Variants in FAT3 observed in about 807,000 individuals in gnomAD.
FAT3 encodes the protein FAT atypical cadherin 3, also known as protocadherin Fat 3.
In FAT3, 95 loss-of-function variants were observed where a neutral mutation model predicts 310.2. That is an observed-to-expected ratio of 0.31 (90% CI 0.26 to 0.36). FAT3 has a LOEUF of 0.36. Ranked by LOEUF, FAT3 falls within the 10% of genes least tolerant of loss-of-function variation. The pLI is 1.00. For missense variants in FAT3, 5,408 were observed against 5,715.6 expected (o/e 0.95, Z 1.74); for synonymous variants, 2,314 against 2,192.9 (o/e 1.06, Z -1.54).
At chr11:92,469,693 T>C (rs1192531826) in intron 2 of FAT3, among the ~76,000 whole-genome samples, 1 of 151,986 alleles carries the variant, frequency 6.6e-6, no homozygotes, top group Non-Finnish European at 1.5e-5. Context: ...TTTTTTTTAT[T>C]TTTAGTAGAG....
intron 2 of FAT3, among the ~76,000 whole-genome samples, chr11:92,514,860 C>A (rs1225325742): frequency 6.6e-6 from 1 of 152,090 alleles, no homozygotes; most frequent in East Asian, 1.9e-4. Flanking sequence ...AGGTATAAAT[C>A]GCTTTTGAAA....
chr11:92,575,302 CCT>C (rs1216899709), intron 3 of FAT3, among the ~76,000 whole-genome samples: 4 of 152,084 alleles, frequency 2.6e-5, no homozygotes, highest in African/African-American at 4.8e-5. Flanking sequence ...CTCACCATCC[CCT>C]GTCCCCAGTT....
At chr11:92,487,658 C>G (rs989386842) in intron 2 of FAT3, among the ~76,000 whole-genome samples, 2 of 152,174 alleles carry the variant, frequency 1.3e-5, no homozygotes, top group Non-Finnish European at 2.9e-5. Context: ...TGCACAAAGT[C>G]GTACAATCTA....
chr11:92,304,319 C>T (rs569784739), intron 1 of FAT3, among the ~76,000 whole-genome samples: 1 of 152,202 alleles, frequency 6.6e-6, no homozygotes, highest in South Asian at 2.1e-4. Context: ...CTTCCCCTTG[C>T]TCTTTATGGC....
intron 2 of FAT3, among the ~76,000 whole-genome samples, chr11:92,450,852 G>C (rs1951336693): frequency 6.6e-6 from 1 of 152,086 alleles, no homozygotes; most frequent in Non-Finnish European, 1.5e-5. Flanking sequence ...TTTCAGTATG[G>C]CCCCTTTTAA....
chr11:92,809,624 G>A (rs1286817610), intron 12 of FAT3, among the ~76,000 whole-genome samples: 1 of 152,164 alleles, frequency 6.6e-6, no homozygotes, highest in Admixed American at 6.5e-5. Flanking sequence ...TTAATTTGAA[G>A]GTCACACAGC....
chr11:92,524,945 A>G lies in FAT3; in HGVS notation c.3604A>G (p.Thr1202Ala), dbSNP rs1591400861. Residue 1202 changes from threonine to alanine, a missense_variant, in exon 3 of 28, where the codon ACA (threonine) becomes GCA (alanine). Around this residue, in one of 5 missense-constraint regions of FAT3, gnomAD observed 4,588 missense variants for 4,809.8 expected, o/e 0.95. Transcript: ENST00000525166. ...PQNFFAINIK[T>A]GLITTTSRKL... is the part of the protein sequence containing the mutation. ...GAATTTTTTTGCCATCAATATCAAA[A>G]CAGGTAAGGGAATGCTTATATGACT... 1 of 1,612,932 alleles carries G rather than the reference A, an allele frequency of 6.2e-7. No individual in the cohort carries two copies. The highest frequency in any genetic ancestry group is 1.1e-5 in the South Asian group (1 of 91,010).
rs868038469 is a variant in FAT3 at position 92,246,226 on chromosome 11, T to C, written c.-18+21052T>C. On this transcript the variant is annotated intron_variant, in intron 1 of 27. Transcript: ENST00000525166. ...AGGGGAGGTGGTTGAAGTTGAAGCT[T>C]AAGGAGAAAGTTGGGCCCAGGAAGG... Among the ~76,000 whole-genome samples, 2 of 151,822 alleles carry C rather than the reference T, an allele frequency of 1.3e-5. 1 individual carries two copies. The highest frequency in any genetic ancestry group is 2.9e-5 in the Non-Finnish European group (2 of 67,926).
chr11:92,515,400 C>T (rs1953444685), intron 2 of FAT3, among the ~76,000 whole-genome samples: 1 of 151,964 alleles, frequency 6.6e-6, no homozygotes, highest in African/African-American at 2.4e-5. Flanking sequence ...TTTATGATTT[C>T]TACATTCGGT....
chr11:92,813,414 G>A (rs1042274770), intron 13 of FAT3, among the ~76,000 whole-genome samples: 3 of 152,128 alleles, frequency 2.0e-5, no homozygotes, highest in Admixed American at 2.0e-4. Flanking sequence ...CTAGGAAATT[G>A]ATCTTGGTAC....
At chr11:92,669,084 C>T (rs1035610700) in intron 3 of FAT3, among the ~76,000 whole-genome samples, 2 of 152,204 alleles carry the variant, frequency 1.3e-5, no homozygotes, top group African/African-American at 4.8e-5. Flanking sequence ...AAGACACCTT[C>T]GAAAGTACCA....
At chr11:92,336,272 G>T (rs1479542892) in intron 1 of FAT3, 3 of 529,756 alleles carry the variant, frequency 5.7e-6, no homozygotes, top group Non-Finnish European at 1.1e-5. Context: ...CCTTGTCATA[G>T]CAATGGGAGT....
chr11:92,694,704 G>A (rs1664405746), intron 3 of FAT3, among the ~76,000 whole-genome samples: 1 of 152,200 alleles, frequency 6.6e-6, no homozygotes, highest in South Asian at 2.1e-4. Context: ...AGAGGGCAAA[G>A]GGGTCCTGGT....
In FAT3 at chr11:92,844,281, G is replaced by A. The variant is rs1386306999; in HGVS notation, c.10914G>A (p.Glu3638=). The A allele has an allele frequency of 6.2e-7, 1 of 1,613,894 alleles. No individual in the cohort carries two copies. The highest frequency in any genetic ancestry group is 8.5e-7 in the Non-Finnish European group (1 of 1,179,914). Residue 3638 remains glutamate (E), a synonymous_variant, in exon 19 of 28, where the codon GAG becomes GAA. Coordinates refer to ENST00000525166, the MANE Select transcript of FAT3 (RefSeq NM_001367949.2). Reference sequence around the variant, plus strand: ...CCATTGATGTGGTCGTGCATGTGGAGCAGTTGGTGCATGAGATGCTGCAGA... The same window carrying A: ...CCATTGATGTGGTCGTGCATGTGGAACAGTTGGTGCATGAGATGCTGCAGA... ...QVPIDVVVHV[E]QLVHEMLQNT...
At chr11:92,432,548 G>C (rs1267648320) in intron 2 of FAT3, among the ~76,000 whole-genome samples, 2 of 152,158 alleles carry the variant, frequency 1.3e-5, no homozygotes, top group South Asian at 2.1e-4. Context: ...GGAGTTTGCT[G>C]GAGGTGTACT....
At position 92,354,723 on chromosome 11, in the gene FAT3, T is replaced by G; in HGVS notation, c.2611T>G (p.Leu871Val). The G allele has an allele frequency of 6.2e-7, 1 of 1,613,926 alleles. No homozygotes were observed. Among genetic ancestry groups the G allele is most frequent in the Non-Finnish European group, 8.5e-7 (1 of 1,179,876 alleles). ...TAATGGTGAAGTGACTTACTCAGTC[T>G]TGACAGATACACAGCAGTTTGCCAT... ...GSNGEVTYSVLTDTQQFAINS... is the reference protein window; with the variant it reads ...GSNGEVTYSVVTDTQQFAINS... The change falls in exon 2 of 28, where the codon TTG becomes GTG. Residue 871 changes from leucine to valine, a missense_variant. This residue lies in a region of FAT3 where 4,588 missense variants were observed against 4,809.8 expected (regional missense o/e 0.95). Coordinates refer to ENST00000525166, the MANE Select transcript of FAT3 (RefSeq NM_001367949.2).
chr11:92,546,609 A>T lies in FAT3; in HGVS notation c.3607+21661A>T, dbSNP rs545355239. On this transcript the variant is annotated intron_variant, in intron 3 of 27. Transcript: ENST00000525166. The stretch of plus-strand genomic sequence containing the variant: ...TGAGTTTTCAATATTTAAAAAAATG[A>T]CCGTACATAGTGAAGCACAAATAAA... 4.6e-5 allele frequency among the ~76,000 whole-genome samples: 7 copies of T among 152,324 alleles called. No homozygotes were observed. The East Asian group carries it at 1.4e-3, about 29-fold the overall frequency.
At chr11:92,265,072 T>A (rs1465803313) in intron 1 of FAT3, among the ~76,000 whole-genome samples, 5 of 151,816 alleles carry the variant, frequency 3.3e-5, no homozygotes, top group African/African-American at 1.2e-4. Context: ...AGTCTAGAAA[T>A]CACCACAGGT....
rs1313305065 is a variant in FAT3 at position 92,312,189 on chromosome 11, T to G, written c.-17-39907T>G. Among the ~76,000 whole-genome samples the G allele has an allele frequency of 1.3e-5, 2 of 151,778 alleles. 1 individual carries two copies. Among genetic ancestry groups the G allele is most frequent in the East Asian group, 3.9e-4 (2 of 5,190 alleles). On this transcript the variant is annotated intron_variant, in intron 1 of 27. Coordinates refer to ENST00000525166, the MANE Select transcript of FAT3 (RefSeq NM_001367949.2). ...ACTCCCTTGTGGAGTGTTTGAATAA[T>G]GCAGGCTCCAGCTACTGCCTACAGG...
Sources: gnomAD v4.1 joint callset for allele counts (sites outside exome capture counted in the v4.1 genomes callset) on GRCh38, gnomAD v4.1.1 for gene constraint, gnomAD v4.1.1 regional missense constraint, MANE v1.5 for transcripts, NCBI Gene and HGNC (gene_info 2026-07-23, HGNC 2026-07-21) for gene names.